ASXL3: variants seen among roughly 807,000 people sequenced by gnomAD.
ASXL3 encodes putative Polycomb group protein ASXL3.
A neutral mutation model predicts 170.6 loss-of-function variants in ASXL3; 34 were observed. The observed-to-expected ratio is 0.20, with a 90% CI of 0.15 to 0.27. The LOEUF (loss-of-function observed/expected upper bound fraction) is 0.27. ASXL3 is among the 10% of genes least tolerant of loss of function. The probability of loss-of-function intolerance (pLI) is 1.00; values close to 1 mark genes in which losing one functional copy is unlikely to be tolerated. For synonymous variants in ASXL3, 1,002 were observed against 989.1 expected (o/e 1.01, Z -0.24); for missense variants, 2,592 against 2,695.3 (o/e 0.96, Z 0.85).
At chr18:33,649,615 A>T (rs775859273) in intron 4 of ASXL3, 3 of 152,230 alleles carry the variant, frequency 2.0e-5, no homozygotes, top group Non-Finnish European at 4.4e-5. Context: ...GAAGATGTGT[A>T]TAGTGACTGA....
rs1330867365 is a variant in ASXL3 at position 33,748,483 on chromosome 18, G to GT, written c.*1893dup. ...TTGGTGCTTCAGTACTGTCATTTCTGTTTTTCACAGTAAAATTGGCAAAAC... is the reference window on the plus strand; with the variant it reads ...TTGGTGCTTCAGTACTGTCATTTCTGTTTTTTCACAGTAAAATTGGCAAAAC... On this transcript the variant is annotated 3_prime_UTR_variant, in exon 12 of 12. Coordinates refer to ENST00000269197, the MANE Select transcript of ASXL3 (RefSeq NM_030632.3). 3 of 152,138 alleles carry GT rather than the reference G, an allele frequency of 2.0e-5. No homozygotes were observed. The highest frequency in any genetic ancestry group is 2.9e-5 in the Non-Finnish European group (2 of 68,022). The allele number at this position is 152,138 out of a possible 1,614,324, so 9.4% of individuals were successfully genotyped here.
rs763238112 is a variant in ASXL3, at chr18:33,618,879, T to C, written c.137+11203T>C. ...AAGTATTGTCTTTCCAACACAAATATAAGCTCTTAAAGGAAAGGAACTCAT... is the reference window on the plus strand; with the variant it reads ...AAGTATTGTCTTTCCAACACAAATACAAGCTCTTAAAGGAAAGGAACTCAT... On this transcript the variant is annotated intron_variant, in intron 2 of 11. Transcript: ENST00000269197. 2.0e-5 allele frequency among the ~76,000 whole-genome samples: 3 copies of C among 152,156 alleles called. No homozygotes were observed. The East Asian group carries it at 5.8e-4, about 29-fold the overall frequency.
intron 7 of ASXL3, among the ~76,000 whole-genome samples, chr18:33,680,843 C>T (rs894829490): frequency 4.0e-5 from 6 of 151,622 alleles, no homozygotes; most frequent in African/African-American, 1.4e-4. Flanking sequence ...TTATTCTTTC[C>T]ATATAATTTT....
chr18:33,607,437 C>T (rs1166900788), intron 1 of ASXL3, among the ~76,000 whole-genome samples, 157 bp from the exon 2 acceptor site: 3 of 151,922 alleles, frequency 2.0e-5, no homozygotes, highest in Admixed American at 6.6e-5. Context: ...AAAAAAATTA[C>T]GTTCTTCCTT....
intron 8 of ASXL3, among the ~76,000 whole-genome samples, chr18:33,728,378 C>G (rs781082603): frequency 6.6e-6 from 1 of 152,164 alleles, no homozygotes; most frequent in Non-Finnish European, 1.5e-5. Context: ...TAATTGAAAT[C>G]TATCTGTACA....
At chr18:33,709,949 A>G (rs1206152050) in intron 8 of ASXL3, among the ~76,000 whole-genome samples, 2 of 152,106 alleles carry the variant, frequency 1.3e-5, no homozygotes, top group Admixed American at 6.6e-5. Flanking sequence ...ATGTACAGTA[A>G]GTCTGACTTA....
chr18:33,639,633 A>T (rs1249365950), intron 2 of ASXL3, among the ~76,000 whole-genome samples: 5 of 152,144 alleles, frequency 3.3e-5, no homozygotes, highest in Admixed American at 2.6e-4. Context: ...AAATAATACT[A>T]AGCAAACTTT....
chr18:33,746,219 C>T lies in ASXL3; in HGVS notation c.6371C>T (p.Ser2124Phe). The T allele has an allele frequency of 6.2e-7, 1 of 1,613,892 alleles. No homozygotes were observed. Among genetic ancestry groups the T allele is most frequent in the South Asian group, 1.1e-5 (1 of 91,074 alleles). ...GCGCTAAAAAGTGCAGATTTCTCTT[C>T]CTATTTGCTTTCTGAGCCACAAAAG... is the stretch of plus-strand genomic sequence containing the variant. ...AFALKSADFS[S>F]YLLSEPQKPF... is the part of the protein sequence containing the mutation. The change falls in exon 12 of 12, where the codon TCC becomes TTC. Residue 2124 changes from serine (S) to phenylalanine (F), a missense_variant. Physicochemically the swap from Ser to Phe is radical, Grantham distance 155. Coordinates refer to ENST00000269197, the MANE Select transcript of ASXL3 (RefSeq NM_030632.3).
At chr18:33,618,156 A>T (rs1283920110) in intron 2 of ASXL3, among the ~76,000 whole-genome samples, 1 of 152,208 alleles carries the variant, frequency 6.6e-6, no homozygotes, top group African/African-American at 2.4e-5. Context: ...GCAATAGCAC[A>T]TAATTCTTAA....
At chr18:33,719,689 A>AGAGT (rs1491248587) in intron 8 of ASXL3, among the ~76,000 whole-genome samples, 1 of 151,968 alleles carries the variant, frequency 6.6e-6, no homozygotes, top group East Asian at 1.9e-4. Context: ...TCATGAGGAC[A>AGAGT]GAGTCTTCAT....
rs1460967472 is a variant in ASXL3, at chr18:33,744,196, T to C, written c.4348T>C (p.Ser1450Pro). Reference protein sequence around the residue: ...NSGPRNRADNSGKPQQPPGGF... With the variant: ...NSGPRNRADNPGKPQQPPGGF... ...AGGGCCTCGAAACAGGGCAGATAAT[T>C]CTGGAAAACCTCAGCAACCACCAGG... Residue 1450 changes from serine (S) to proline (P), a missense_variant, in exon 12 of 12, where the codon TCT becomes CCT. By Grantham distance (74) the Ser-to-Pro change is moderately conservative. Coordinates refer to ENST00000269197, the MANE Select transcript of ASXL3 (RefSeq NM_030632.3). The C allele has an allele frequency of 1.2e-6, 2 of 1,613,898 alleles. No individual in the cohort carries two copies. The highest frequency in any genetic ancestry group is 8.5e-7 in the Non-Finnish European group (1 of 1,179,886).
At chr18:33,726,828 T>TTATA (rs1283667052) in intron 8 of ASXL3, among the ~76,000 whole-genome samples, 1 of 152,160 alleles carries the variant, frequency 6.6e-6, no homozygotes, top group Non-Finnish European at 1.5e-5. Flanking sequence ...GAAGGCAGTC[T>TTATA]GTATAGTGGG....
At chr18:33,585,313 A>G (rs774764244) in intron 1 of ASXL3, among the ~76,000 whole-genome samples, 43 of 152,072 alleles carry the variant, frequency 2.8e-4, no homozygotes, top group Non-Finnish European at 5.4e-4. Context: ...GTCCCTGCAC[A>G]GTTGGTAGCT....
At chr18:33,720,932 T>C (rs1036889638) in intron 8 of ASXL3, among the ~76,000 whole-genome samples, 4 of 152,100 alleles carry the variant, frequency 2.6e-5, no homozygotes, top group African/African-American at 9.7e-5. Flanking sequence ...AATGAAAGCT[T>C]AAGGGAAATC....
Position 33,744,884 on chromosome 18 carries a change from T to G in ASXL3, c.5036T>G (p.Phe1679Cys). 1 of 1,613,994 alleles carries G rather than the reference T, an allele frequency of 6.2e-7. No homozygotes were observed. Among genetic ancestry groups the G allele is most frequent in the Non-Finnish European group, 8.5e-7 (1 of 1,179,888 alleles). ...KSELHEADKG[F>C]RMDTEDFPGP... is the part of the protein sequence containing the mutation. ...GAACTTCACGAAGCAGACAAGGGCTTTAGAATGGACACTGAAGACTTCCCT... is the reference window on the plus strand; with the variant it reads ...GAACTTCACGAAGCAGACAAGGGCTGTAGAATGGACACTGAAGACTTCCCT... Residue 1679 changes from phenylalanine to cysteine, a missense_variant, in exon 12 of 12, where the codon TTT becomes TGT. This residue lies in a region of ASXL3 where 2,246 missense variants were observed against 2,219.6 expected (regional missense o/e 1.01). Coordinates refer to ENST00000269197, the MANE Select transcript of ASXL3 (RefSeq NM_030632.3).
chr18:33,584,460 T>C (rs140246735), intron 1 of ASXL3, among the ~76,000 whole-genome samples: 38 of 152,238 alleles, frequency 2.5e-4, no homozygotes, highest in African/African-American at 8.2e-4. Flanking sequence ...ATATCACTTA[T>C]GTCATAAGTC....
chr18:33,662,685 G>A (rs997391606), intron 5 of ASXL3, among the ~76,000 whole-genome samples: 4 of 152,108 alleles, frequency 2.6e-5, no homozygotes, highest in African/African-American at 9.7e-5. Flanking sequence ...GCTTTCCTCT[G>A]ATACAATCAT....
intron 1 of ASXL3, among the ~76,000 whole-genome samples, chr18:33,587,444 C>A (rs1238591167): frequency 6.6e-6 from 1 of 152,108 alleles, no homozygotes; most frequent in Admixed American, 6.6e-5. Flanking sequence ...TTGCTTTTCA[C>A]AGCTTTATAA....
chr18:33,606,265 C>T (rs978869603), intron 1 of ASXL3, among the ~76,000 whole-genome samples: 8 of 152,070 alleles, frequency 5.3e-5, no homozygotes, highest in East Asian at 3.9e-4. Context: ...CCTTCCTTCC[C>T]GTTCACATAT....
Sources: allele counts gnomAD v4.1 joint callset (sites outside exome capture counted in the v4.1 genomes callset), GRCh38; gene constraint gnomAD v4.1.1; regional missense constraint gnomAD v4.1.1; transcripts MANE v1.5; gene names NCBI Gene and HGNC (gene_info 2026-07-23, HGNC 2026-07-21).